Variants in GAB2 observed in about 807,000 individuals in gnomAD.
GAB2 encodes GRB2 associated binding protein 2, also known as GRB2-associated-binding protein 2.
Under a neutral mutation model 65.5 loss-of-function variants are expected in GAB2, and 26 were observed. The ratio of observed to expected loss-of-function variants is 0.40; its 90% confidence interval spans 0.29 to 0.55. The LOEUF (loss-of-function observed/expected upper bound fraction) is 0.55. Among genes scored for constraint, GAB2 ranks in the 20% least tolerant of loss-of-function variants. The probability of loss-of-function intolerance (pLI) is 0.53; values close to 1 mark genes in which losing one functional copy is unlikely to be tolerated. For missense variants in GAB2, 884 were observed against 875.8 expected (o/e 1.01, Z -0.12); for synonymous variants, 321 against 329.6 (o/e 0.97, Z 0.28).
intron 1 of GAB2, among the ~76,000 whole-genome samples, chr11:78,315,366 T>C (rs1372223466): frequency 6.6e-6 from 1 of 152,178 alleles, no homozygotes; most frequent in Non-Finnish European, 1.5e-5. Context: ...CACCTTCTGT[T>C]TTCTCATCTA....
chr11:78,340,250 T>C (rs1028738275), intron 1 of GAB2, among the ~76,000 whole-genome samples: 2 of 152,226 alleles, frequency 1.3e-5, no homozygotes, highest in African/African-American at 4.8e-5. Context: ...GGGAGATTGG[T>C]AGCTAGCTCT....
intron 1 of GAB2, among the ~76,000 whole-genome samples, chr11:78,414,913 C>G (rs1857175032): frequency 6.6e-6 from 1 of 152,114 alleles, no homozygotes; most frequent in Admixed American, 6.6e-5. Context: ...GTTTTGTCAC[C>G]CAGGCTGGAG....
At chr11:78,377,894 G>A (rs748680400) in intron 1 of GAB2, among the ~76,000 whole-genome samples, 4 of 152,110 alleles carry the variant, frequency 2.6e-5, no homozygotes, top group Non-Finnish European at 5.9e-5. Context: ...CTGAATAACT[G>A]GATACTTGTT....
intron 1 of GAB2, among the ~76,000 whole-genome samples, chr11:78,299,811 T>C (rs1197420185): frequency 6.6e-6 from 1 of 152,198 alleles, no homozygotes; most frequent in African/African-American, 2.4e-5. Flanking sequence ...CTGGAAAACA[T>C]TCCCATACAG....
At chr11:78,306,769 G>A (rs1855370466) in intron 1 of GAB2, among the ~76,000 whole-genome samples, 1 of 152,174 alleles carries the variant, frequency 6.6e-6, no homozygotes, top group Non-Finnish European at 1.5e-5. Flanking sequence ...GAAGATACAG[G>A]TTAAAATTCC....
chr11:78,354,000 T>C (rs892881199), intron 1 of GAB2, among the ~76,000 whole-genome samples: 2 of 152,260 alleles, frequency 1.3e-5, no homozygotes, highest in Non-Finnish European at 1.5e-5. Flanking sequence ...CTTGGGGGCC[T>C]GAGAATTTGC....
chr11:78,411,116 G>T (rs1323254106), intron 1 of GAB2, among the ~76,000 whole-genome samples: 1 of 149,458 alleles, frequency 6.7e-6, no homozygotes, highest in African/African-American at 2.5e-5. Flanking sequence ...TTGTGCCACT[G>T]TCGCCAGCCT....
chr11:78,334,948 G>A (rs1338843055), intron 1 of GAB2, among the ~76,000 whole-genome samples: 1 of 152,160 alleles, frequency 6.6e-6, no homozygotes, highest in Non-Finnish European at 1.5e-5. Context: ...TTTTAATTGA[G>A]GTGACATATC....
In GAB2 at chr11:78,280,824, G is replaced by T. The variant is rs754199308; in HGVS notation, c.153C>A (p.Asn51Lys). The T allele has an allele frequency of 5.6e-6, 9 of 1,613,946 alleles. No individual in the cohort carries two copies. The highest frequency in any genetic ancestry group is 7.6e-6 in the Non-Finnish European group (9 of 1,179,820). ...TCCGCAGAGGCTTCTTGGAGTGATC[G>T]TTCTTGTAGTATTCCAGAACATCTG... ...GDPDVLEYYKNDHSKKPLRII... is the reference protein window; with the variant it reads ...GDPDVLEYYKKDHSKKPLRII... The change falls in exon 2 of 10, where the codon AAC (asparagine) becomes AAA (lysine). Residue 51 changes from asparagine (N) to lysine (K), a missense_variant. By Grantham distance (94) the Asn-to-Lys change is moderately conservative. Coordinates refer to ENST00000361507, the MANE Select transcript of GAB2 (RefSeq NM_080491.3).
intron 1 of GAB2, among the ~76,000 whole-genome samples, chr11:78,287,159 T>C (rs1031313821): frequency 3.3e-5 from 5 of 152,316 alleles, no homozygotes; most frequent in South Asian, 4.1e-4. Flanking sequence ...GCAAAAAATA[T>C]TTGATAAAAT....
At chr11:78,328,496 T>C (rs1855862736) in intron 1 of GAB2, among the ~76,000 whole-genome samples, 1 of 152,122 alleles carries the variant, frequency 6.6e-6, no homozygotes, top group African/African-American at 2.4e-5. Context: ...GATTTACTCA[T>C]AATAGCCAAA....
Position 78,405,569 on chromosome 11 carries a change from A to T in GAB2, c.75+12077T>A, listed in dbSNP as rs115911549. On this transcript the variant is annotated intron_variant, in intron 1 of 9. Transcript: ENST00000361507. ...GTTTACTGGTAACAAGTGCTTTTGT[A>T]TAAGCAACATTCAAGACCATACACA... Among the ~76,000 whole-genome samples, 1,336 of 152,286 alleles carry T rather than the reference A, an allele frequency of 8.8e-3. 24 individuals carry two copies. The highest frequency in any genetic ancestry group is 0.03 in the African/African-American group (1,267 of 41,544).
intron 2 of GAB2, among the ~76,000 whole-genome samples, chr11:78,276,111 CAAA>C (rs539148797): frequency 1.0e-5 from 1 of 97,376 alleles, no homozygotes; most frequent in Non-Finnish European, 2.1e-5. Context: ...AAGACTGTCT[CAAA>C]AAAAAAAAAA....
At chr11:78,304,744 T>C (rs61593965) in intron 1 of GAB2, among the ~76,000 whole-genome samples, 4,907 of 152,254 alleles carry the variant, frequency 0.032, 212 homozygotes, top group African/African-American at 0.1. Context: ...TAATGTAATA[T>C]GAAAAAGTTT....
At chr11:78,362,812 T>C (rs1282590196) in intron 1 of GAB2, among the ~76,000 whole-genome samples, 1 of 152,112 alleles carries the variant, frequency 6.6e-6, no homozygotes, top group Non-Finnish European at 1.5e-5. Flanking sequence ...CTCAAAAGAA[T>C]GCTGCTGCAG....
chr11:78,371,691 G>T (rs982084670), intron 1 of GAB2, among the ~76,000 whole-genome samples: 2 of 152,196 alleles, frequency 1.3e-5, no homozygotes, highest in Non-Finnish European at 2.9e-5. Context: ...GCACACATTT[G>T]CTGAATGAAC....
intron 1 of GAB2, among the ~76,000 whole-genome samples, chr11:78,368,373 C>G (rs1472876141): frequency 6.6e-6 from 1 of 152,188 alleles, no homozygotes. Flanking sequence ...TAGTAAACTT[C>G]TGTCACCTGA....
intron 1 of GAB2, among the ~76,000 whole-genome samples, chr11:78,320,694 G>A (rs1182984031): frequency 2.0e-5 from 3 of 149,982 alleles, no homozygotes; most frequent in Non-Finnish European, 4.4e-5. Context: ...ATGATTACAG[G>A]TGTGCATGAC....
chr11:78,221,502 T>C (rs998666237), intron 8 of GAB2, among the ~76,000 whole-genome samples, 175 bp downstream of exon 8: 3 of 152,114 alleles, frequency 2.0e-5, no homozygotes, highest in Non-Finnish European at 4.4e-5. Context: ...TGATGACAAC[T>C]CCTACTGCTT....
Sources: gnomAD v4.1 joint callset for allele counts (sites outside exome capture counted in the v4.1 genomes callset) on GRCh38, gnomAD v4.1.1 for gene constraint, MANE v1.5 for transcripts, NCBI Gene and HGNC (gene_info 2026-07-23, HGNC 2026-07-21) for gene names.